The following JARID2 variants were observed in gnomAD, a reference collection of about 807,000 sequenced individuals.
JARID2 encodes the protein jumonji and AT-rich interaction domain containing 2.
In JARID2, 21 loss-of-function variants were observed where a neutral mutation model predicts 125.6. That is an observed-to-expected ratio of 0.17 (90% confidence interval 0.12 to 0.24). The LOEUF (loss-of-function observed/expected upper bound fraction) is 0.24. Among genes scored for constraint, JARID2 ranks in the 10% least tolerant of loss-of-function variants. The pLI is 1.00. For missense variants in JARID2, 1,303 were observed against 1,639.6 expected, an observed-to-expected ratio of 0.79 and a Z score of 3.55; for synonymous variants, 736 against 661.6, an observed-to-expected ratio of 1.11 and a Z score of -1.73.
At chr6:15,489,423 A>C (rs1770039471) in intron 6 of JARID2, among the ~76,000 whole-genome samples, 1 of 152,212 alleles carries the variant, frequency 6.6e-6, no homozygotes, top group Non-Finnish European at 1.5e-5. Context: ...ACGGACAGAC[A>C]CGGGTGCGCA....
At chr6:15,268,950 G>GGTGT (rs1760193380) in intron 1 of JARID2, among the ~76,000 whole-genome samples, 1 of 152,172 alleles carries the variant, frequency 6.6e-6, no homozygotes, top group South Asian at 2.1e-4. Flanking sequence ...CTTAAAGTCA[G>GGTGT]GCGTGTGCGT....
chr6:15,337,396 C>T (rs907516989), intron 1 of JARID2, among the ~76,000 whole-genome samples: 1 of 152,214 alleles, frequency 6.6e-6, no homozygotes, highest in Non-Finnish European at 1.5e-5. Flanking sequence ...ACTCATGGCT[C>T]AGGGCACCTC....
rs1019346163 is a variant in JARID2, at chr6:15,378,182, C to T, written c.181+3930C>T. 5.5e-5 allele frequency among the ~76,000 whole-genome samples: 8 copies of T among 146,492 alleles called. No individual in the cohort carries two copies. In the South Asian group the frequency reaches 6.7e-4, roughly 12 times the overall value. On this transcript the variant is annotated intron_variant, in intron 2 of 17. Coordinates refer to ENST00000341776, the MANE Select transcript of JARID2 (RefSeq NM_004973.4). Reference sequence around the variant, plus strand: ...GATTACAGGGGTGAGCCACCCCACCCGGCCCTCAATTTTTAATTTTTTTTT... The same window carrying T: ...GATTACAGGGGTGAGCCACCCCACCTGGCCCTCAATTTTTAATTTTTTTTT...
At chr6:15,442,631 G>A (rs1281442699) in intron 3 of JARID2, among the ~76,000 whole-genome samples, 2 of 152,224 alleles carry the variant, frequency 1.3e-5, no homozygotes, top group African/African-American at 4.8e-5. Flanking sequence ...GGGGATGGCG[G>A]CGCAGACAGC....
intron 4 of JARID2, among the ~76,000 whole-genome samples, chr6:15,452,483 C>T (rs1221477425): frequency 6.6e-6 from 1 of 152,206 alleles, no homozygotes; most frequent in Non-Finnish European, 1.5e-5. Context: ...CATACCACCA[C>T]CTTGACACAC....
intron 1 of JARID2, among the ~76,000 whole-genome samples, chr6:15,290,934 T>G (rs1761184393): frequency 6.6e-6 from 1 of 152,038 alleles, no homozygotes; most frequent in South Asian, 2.1e-4. Context: ...TTTTGGATGT[T>G]TAAAAATATT....
chr6:15,363,560 C>CTG (rs1201313795), intron 1 of JARID2, among the ~76,000 whole-genome samples: 2 of 152,194 alleles, frequency 1.3e-5, no homozygotes, highest in African/African-American at 4.8e-5. Context: ...CTGCTACGTG[C>CTG]TGGACTCATT....
intron 8 of JARID2, among the ~76,000 whole-genome samples, chr6:15,501,979 C>G (rs1770760728): frequency 6.6e-6 from 1 of 152,194 alleles, no homozygotes; most frequent in Non-Finnish European, 1.5e-5. Context: ...CTTGTTTTCT[C>G]TGTTTTCTAT....
chr6:15,440,428 C>T (rs767216613), intron 3 of JARID2, among the ~76,000 whole-genome samples: 20 of 152,310 alleles, frequency 1.3e-4, no homozygotes, highest in Non-Finnish European at 2.1e-4. Context: ...TGCCTCCCAG[C>T]CCCTCAGGTC....
intron 1 of JARID2, among the ~76,000 whole-genome samples, chr6:15,316,464 A>G (rs1762182966): frequency 6.6e-6 from 1 of 152,160 alleles, no homozygotes; most frequent in African/African-American, 2.4e-5. Flanking sequence ...GTCTTTAATC[A>G]TTGTGAGGTT....
chr6:15,326,439 C>T (rs1469394545), intron 1 of JARID2, among the ~76,000 whole-genome samples: 1 of 152,198 alleles, frequency 6.6e-6, no homozygotes, highest in Non-Finnish European at 1.5e-5. Context: ...TGGCCCCATG[C>T]CTTAGCCTTC....
At chr6:15,409,814 T>C (rs1765801952) in intron 2 of JARID2, among the ~76,000 whole-genome samples, 1 of 152,248 alleles carries the variant, frequency 6.6e-6, no homozygotes, top group South Asian at 2.1e-4. Context: ...TACTGGTTCC[T>C]GCAGGCAATT....
intron 2 of JARID2, among the ~76,000 whole-genome samples, chr6:15,392,378 T>G (rs949380827): frequency 6.6e-6 from 1 of 152,148 alleles, no homozygotes; most frequent in African/African-American, 2.4e-5. Context: ...CTGCTAAATT[T>G]AAGGTGATTT....
chr6:15,286,255 CTT>C (rs60401396), intron 1 of JARID2, among the ~76,000 whole-genome samples: 25 of 137,630 alleles, frequency 1.8e-4, no homozygotes, highest in African/African-American at 2.1e-4. Context: ...TGGAAGAATT[CTT>C]TTTTTTTTTT....
chr6:15,364,755 A>G (rs2127499838), intron 1 of JARID2, among the ~76,000 whole-genome samples: 1 of 152,314 alleles, frequency 6.6e-6, no homozygotes, highest in Non-Finnish European at 1.5e-5. Flanking sequence ...ACCCTATCCA[A>G]TTTAATGCAG....
chr6:15,437,275 C>T (rs945493210), intron 3 of JARID2, among the ~76,000 whole-genome samples: 19 of 152,246 alleles, frequency 1.2e-4, no homozygotes, highest in African/African-American at 4.3e-4. Flanking sequence ...TGGATTATGT[C>T]GCACTTCATG....
chr6:15,300,722 T>TGTGTGTGA (rs1246745065), intron 1 of JARID2, among the ~76,000 whole-genome samples: 2,969 of 110,774 alleles, frequency 0.027, 64 homozygotes, highest in Non-Finnish European at 0.031. Context: ...TGTGTGTGTG[T>TGTGTGTGA]GAGAGAGAGA....
At chr6:15,258,384 C>G (rs1439826782) in intron 1 of JARID2, among the ~76,000 whole-genome samples, 1 of 152,146 alleles carries the variant, frequency 6.6e-6, no homozygotes, top group Non-Finnish European at 1.5e-5. Context: ...CTCCAGGTCT[C>G]AGTTTCTTCA....
chr6:15,319,136 GCTGT>G (rs1274153720), intron 1 of JARID2, among the ~76,000 whole-genome samples: 5 of 152,160 alleles, frequency 3.3e-5, no homozygotes, highest in Non-Finnish European at 4.4e-5. Flanking sequence ...GAGAGAGGAT[GCTGT>G]CTGTCTGTCT....
Sources: gnomAD v4.1 joint callset for allele counts (sites outside exome capture counted in the v4.1 genomes callset) on GRCh38, gnomAD v4.1.1 for gene constraint, MANE v1.5 for transcripts, NCBI Gene and HGNC (gene_info 2026-07-23, HGNC 2026-07-21) for gene names.